Variants in ZNF394 observed in about 807,000 individuals in gnomAD.
ZNF394 encodes zinc finger protein 99.
A neutral mutation model predicts 21.8 loss-of-function variants in ZNF394; 19 were observed. The ratio of observed to expected loss-of-function variants is 0.87; its 90% CI spans 0.61 to 1.28. The LOEUF (loss-of-function observed/expected upper bound fraction) is 1.28, where lower values mean the gene tolerates loss of function less well. Ranked by LOEUF, ZNF394 falls within the 50% of genes most tolerant of loss-of-function variation. The pLI, the probability that ZNF394 is intolerant of heterozygous loss-of-function variation, is 0.00. For missense variants in ZNF394, 683 were observed against 708.6 expected (o/e 0.96, Z 0.41); for synonymous variants, 294 against 273.3 (o/e 1.08, Z -0.75).
Position 99,500,011 on chromosome 7 carries a change from G to C in ZNF394, c.83C>G (p.Ala28Gly). ...PWVMAARSKD[A>G]APSQRDGLLP... The stretch of plus-strand genomic sequence containing the variant: ...AAGTCCGTCGCGTTGGGACGGCGCC[G>C]CGTCCTTGGACCTCGCAGCCATCAC... The change falls in exon 1 of 3, where the codon GCG becomes GGG. Residue 28 changes from alanine (A) to glycine (G), a missense_variant. By Grantham distance (60) the Ala-to-Gly change is moderately conservative. This residue lies in a region of ZNF394 where 402 missense variants were observed against 373.8 expected (regional missense o/e 1.08). Transcript: ENST00000337673. The C allele has an allele frequency of 6.2e-7, 1 of 1,609,092 alleles. No individual in the cohort carries two copies. The highest frequency in any genetic ancestry group is 2.2e-5 in the East Asian group (1 of 44,872).
At chr7:99,491,707 C>A (rs1234014383), downstream of ZNF394, among the ~76,000 whole-genome samples, 2 of 132,686 alleles carry the variant, frequency 1.5e-5, no homozygotes, top group African/African-American at 5.9e-5. Context: ...ACCTGGGAGG[C>A]GGAGGTTGCA....
Position 99,498,806 on chromosome 7 carries a change from TTAGAGACACAGCCG to T in ZNF394, c.479_492del (p.Thr160AsnfsTer70). 6.2e-7 allele frequency: 1 copy of T among 1,614,024 alleles called. No individual in the cohort carries two copies. ...TCCAGGCGCTCCCACTCCTCCCAGG[TTAGAGACACAGCCG>T]TGTCCTCGAAAGTCACCATCCCCTG... On this transcript the variant is annotated frameshift_variant, in exon 2 of 3. Coordinates refer to ENST00000337673, the MANE Select transcript of ZNF394 (RefSeq NM_032164.4). LOFTEE classifies it high-confidence loss of function.
chr7:99,490,181 G>A (rs1263675933), downstream of ZNF394, among the ~76,000 whole-genome samples: 2 of 132,506 alleles, frequency 1.5e-5, no homozygotes, highest in Non-Finnish European at 3.1e-5. Flanking sequence ...GAGATGGCGA[G>A]TCTCGCTCTG....
chr7:99,495,765 C>G (rs543494684), intron 2 of ZNF394, among the ~76,000 whole-genome samples: 7 of 150,558 alleles, frequency 4.6e-5, no homozygotes, highest in Non-Finnish European at 1.0e-4. Flanking sequence ...GGATTACAGG[C>G]AACGTGCCAC....
chr7:99,490,146 CTTTTTTTTTTT>C (rs943034221), downstream of ZNF394, among the ~76,000 whole-genome samples: 409 of 89,244 alleles, frequency 4.6e-3, 4 homozygotes, highest in Non-Finnish European at 4.6e-3. Flanking sequence ...AAAACCTCAT[CTTTTTTTTTTT>C]TTTTTTTTTT....
intron 2 of ZNF394, chr7:99,497,868 A>C (rs2151084262): frequency 6.6e-6 from 1 of 152,162 alleles, no homozygotes; most frequent in African/African-American, 2.4e-5. Flanking sequence ...TCTCAAAAAA[A>C]CCCCCAAAGC....
At chr7:99,486,912 T>C (rs375509069) in exon 2 of ZNF394, 3 of 1,614,048 alleles carry the variant, frequency 1.9e-6, no homozygotes, top group African/African-American at 2.7e-5. Flanking sequence ...GTAAGGTCTG[T>C]GGGCAAGCCT....
chr7:99,494,861 A>G (rs552367494), intron 2 of ZNF394, among the ~76,000 whole-genome samples: 2 of 152,040 alleles, frequency 1.3e-5, no homozygotes, highest in African/African-American at 4.8e-5. Flanking sequence ...CAGCCTCCCA[A>G]GTAGCTGGCA....
chr7:99,500,062 C>T lies in ZNF394; in HGVS notation c.32G>A (p.Gly11Asp), dbSNP rs1457193474. 4.4e-6 allele frequency: 7 copies of T among 1,581,028 alleles called. No individual in the cohort carries two copies. Among genetic ancestry groups the T allele is most frequent in the Non-Finnish European group, 6.0e-6 (7 of 1,167,574 alleles). Residue 11 changes from glycine (G) to aspartate (D), a missense_variant, in exon 1 of 3, where the codon GGC becomes GAC. Transcript: ENST00000337673. MNSSLTAQRRGSDAELGPWVM... is the reference protein window; with the variant it reads MNSSLTAQRRDSDAELGPWVM... ...CCAGGGTCCCAACTCGGCGTCACTG[C>T]CGCGCCTCTGGGCGGTCAAGCTGGA...
downstream of ZNF394, among the ~76,000 whole-genome samples, chr7:99,489,304 AAG>A (rs1439321799): frequency 4.6e-5 from 7 of 151,814 alleles, no homozygotes; most frequent in South Asian, 4.1e-4. Context: ...AAAAAAAAAA[AAG>A]AGTTGTAAGT....
At position 99,494,243 on chromosome 7, in the gene ZNF394, C is replaced by A; in HGVS notation, c.972G>T (p.Val324=). ...GNKCKQSFHM[V]TWHVLKPHKS... ...TGTGAGGTTTCAGCACGTGCCACGT[C>A]ACCATGTGGAAACTTTGCTTGCACT... is the stretch of plus-strand genomic sequence containing the variant. The change falls in exon 3 of 3, where the codon GTG becomes GTT. Residue 324 remains valine, a synonymous_variant. Transcript: ENST00000337673. The A allele has an allele frequency of 6.2e-7, 1 of 1,614,272 alleles. No homozygotes were observed. Among genetic ancestry groups the A allele is most frequent in the Non-Finnish European group, 8.5e-7 (1 of 1,180,052 alleles).
rs1800214131 is a variant in ZNF394 at position 99,493,689 on chromosome 7, C to T, written c.1526G>A (p.Ser509Asn). 1 of 1,614,094 alleles carries T rather than the reference C, an allele frequency of 6.2e-7. No homozygotes were observed. The highest frequency in any genetic ancestry group is 8.5e-7 in the Non-Finnish European group (1 of 1,180,038). ...CSVCGKRFNQ[S>N]ATLIKHQRIH... is the part of the protein sequence containing the mutation. ...TCTCTGGTGTTTAATGAGGGTTGCA[C>T]TCTGATTGAAGCGTTTCCCACAGAC... The change falls in exon 3 of 3, where the codon AGT becomes AAT. Residue 509 changes from serine (S) to asparagine (N), a missense_variant. Ser to Asn is a conservative substitution (Grantham distance 46). This residue lies in a region of ZNF394 where 274 missense variants were observed against 314.1 expected (regional missense o/e 0.87). Coordinates refer to ENST00000337673, the MANE Select transcript of ZNF394 (RefSeq NM_032164.4).
chr7:99,499,410 A>G (rs1459654935), intron 1 of ZNF394, among the ~76,000 whole-genome samples: 2 of 151,576 alleles, frequency 1.3e-5, no homozygotes, highest in Admixed American at 1.3e-4. Context: ...AAAAAAAAAA[A>G]AAGAAAAGAA....
rs369068130 is a variant in ZNF394, at chr7:99,486,599, A to G, written n.448T>C. 76 of 1,614,240 alleles carry G rather than the reference A, an allele frequency of 4.7e-5. No individual in the cohort carries two copies. The highest frequency in any genetic ancestry group is 3.0e-4 in the South Asian group (27 of 91,092). ...GCTGAGAAACTTTCAGAAAAGTTAC[A>G]TAAGTGTAAAGAATTTGTGGACAGT... On this transcript the variant is annotated non_coding_transcript_exon_variant, in exon 2 of 2. Transcript: ENST00000462024.
Position 99,498,725 on chromosome 7 carries a change from C to G in ZNF394, c.574G>C (p.Val192Leu). ...GAGCAACAGCACTCACTCGGCGGAA[C>G]TGTGCTCCCGGAATCCTTCTGCGCA... ...ESAQKDSGST[V>L]PPSLESRVEN... Residue 192 changes from valine (V) to leucine (L), a missense_variant, in exon 2 of 3, where the codon GTT becomes CTT. By Grantham distance (32) the Val-to-Leu change is conservative (BLOSUM62 1). This residue lies in a region of ZNF394 where 402 missense variants were observed against 373.8 expected (regional missense o/e 1.08). Transcript: ENST00000337673. 6.2e-7 allele frequency: 1 copy of G among 1,614,086 alleles called. No homozygotes were observed. Among genetic ancestry groups the G allele is most frequent in the South Asian group, 1.1e-5 (1 of 91,084 alleles).
At chr7:99,487,414 T>A (rs1446662176) in intron 1 of ZNF394, 1 of 1,614,112 alleles carries the variant, frequency 6.2e-7, no homozygotes. Context: ...ATGTGTCATA[T>A]GTGGAAAATC....
At chr7:99,492,639 CAAAAAAAA>C (rs757663157), downstream of ZNF394, among the ~76,000 whole-genome samples, 1 of 50,488 alleles carries the variant, frequency 2.0e-5, no homozygotes, top group Admixed American at 2.2e-4. Context: ...GACTCCATCT[CAAAAAAAA>C]AAAAAAAAAA....
chr7:99,487,790 G>C (rs1332759607), intron 1 of ZNF394, among the ~76,000 whole-genome samples: 1 of 151,400 alleles, frequency 6.6e-6, no homozygotes, highest in African/African-American at 2.4e-5. Context: ...AAAAAAGAAA[G>C]GGCTGGGCGC....
chr7:99,487,374 G>A lies in ZNF394; in HGVS notation n.84-411C>T, dbSNP rs1365980540. The stretch of plus-strand genomic sequence containing the variant: ...TTAAGAGGAATCTTTTTCGACATCA[G>A]GTCATTCACACTGGAAGCCAACCCT... On this transcript the variant is annotated intron_variant and non_coding_transcript_variant, in intron 1 of 1. Coordinates refer to the ZNF394 transcript ENST00000462024. 3 of 1,614,198 alleles carry A rather than the reference G, an allele frequency of 1.9e-6. No individual in the cohort carries two copies. In the Admixed American group the frequency reaches 5.0e-5, roughly 27 times the overall value.
Sources: gnomAD v4.1 joint callset for allele counts (sites outside exome capture counted in the v4.1 genomes callset) on GRCh38, gnomAD v4.1.1 for gene constraint, gnomAD v4.1.1 regional missense constraint, MANE v1.5 for transcripts, NCBI Gene and HGNC (gene_info 2026-07-23, HGNC 2026-07-21) for gene names.